Variants in CCR3 observed in about 807,000 individuals in gnomAD.
CCR3 encodes the protein C-C motif chemokine receptor 3, also known as C-C chemokine receptor type 3.
For synonymous variants in CCR3, 203 were observed against 179.2 expected (o/e 1.13, Z -1.06); for missense variants, 419 against 437.5 (o/e 0.96, Z 0.38).
At chr3:46,260,612 C>T (rs914049610) in intron 1 of CCR3, among the ~76,000 whole-genome samples, 4 of 152,166 alleles carry the variant, frequency 2.6e-5, no homozygotes, top group African/African-American at 9.7e-5. Flanking sequence ...CCAGGTTATG[C>T]AGATGTAAGA....
intron 1 of CCR3, among the ~76,000 whole-genome samples, chr3:46,246,380 G>A (rs371290368): frequency 7.9e-5 from 12 of 152,252 alleles, no homozygotes; most frequent in Middle Eastern, 3.4e-3. Context: ...GAGAGTCAGC[G>A]AAGGGAGATA....
intron 1 of CCR3, among the ~76,000 whole-genome samples, chr3:46,253,406 C>T (rs1439014377): frequency 1.3e-5 from 2 of 152,128 alleles, no homozygotes; most frequent in Admixed American, 6.6e-5. Flanking sequence ...ATACTCTCTC[C>T]CCTCCCCAAA....
chr3:46,232,326 G>T (rs1020995583), intron 2 of CCR3, among the ~76,000 whole-genome samples: 2 of 152,178 alleles, frequency 1.3e-5, no homozygotes, highest in African/African-American at 4.8e-5. Context: ...CACAGGGAAA[G>T]ATTTTGTTGG....
chr3:46,229,112 A>G lies in CCR3; in HGVS notation c.-67-13290A>G, dbSNP rs543893672. Among the ~76,000 whole-genome samples, 8 of 152,282 alleles carry G rather than the reference A, an allele frequency of 5.3e-5. No homozygotes were observed. In the South Asian group the frequency reaches 1.7e-3, roughly 32 times the overall value. ...GCATGTGCGTGTGGTCATATCACTGAGTTGCAGCCAATGGGATATAGATAG... is the reference window on the plus strand; with the variant it reads ...GCATGTGCGTGTGGTCATATCACTGGGTTGCAGCCAATGGGATATAGATAG... On this transcript the variant is annotated intron_variant, in intron 2 of 3. Transcript: ENST00000357422.
intron 2 of CCR3, among the ~76,000 whole-genome samples, chr3:46,234,606 C>T (rs1168447087): frequency 6.6e-6 from 1 of 150,730 alleles, no homozygotes; most frequent in African/African-American, 2.4e-5. Flanking sequence ...ACTCATTGCC[C>T]TAACTGGAGC....
chr3:46,248,090 AAAG>A (rs141198633), intron 1 of CCR3, among the ~76,000 whole-genome samples: 8,671 of 152,106 alleles, frequency 0.057, 367 homozygotes, highest in South Asian at 0.18. Context: ...GAGGAACAGG[AAAG>A]AAGGAGATAT....
intron 2 of CCR3, among the ~76,000 whole-genome samples, chr3:46,236,853 G>A (rs1700030045): frequency 6.6e-6 from 1 of 152,230 alleles, no homozygotes; most frequent in African/African-American, 2.4e-5. Flanking sequence ...GGAGGGAAAG[G>A]GGAGTGGGTG....
At chr3:46,222,033 G>A (rs891985127) in intron 2 of CCR3, among the ~76,000 whole-genome samples, 1 of 152,312 alleles carries the variant, frequency 6.6e-6, no homozygotes, top group South Asian at 2.1e-4. Flanking sequence ...TCCCCCTGAG[G>A]ACTGGGCAGG....
At chr3:46,238,515 A>T (rs1014869136), upstream of CCR3, among the ~76,000 whole-genome samples, 1 of 152,194 alleles carries the variant, frequency 6.6e-6, no homozygotes, top group Non-Finnish European at 1.5e-5. Flanking sequence ...TTACCTAGGT[A>T]TGTCCACCAC....
In CCR3 at chr3:46,265,526, T is replaced by C. The variant is rs1700606654; in HGVS notation, c.368T>C (p.Phe123Ser). ...ACAGGCTTGTACAGCGAGATCTTTT[T>C]CATAATCCTGCTGACAATCGACAGG... ...YHTGLYSEIF[F>S]IILLTIDRYL... Residue 123 changes from phenylalanine (F) to serine (S), a missense_variant, in exon 2 of 2, where the codon TTC becomes TCC. Physicochemically the swap from Phe to Ser is radical, Grantham distance 155. Coordinates refer to ENST00000395940, the MANE Select transcript of CCR3 (RefSeq NM_178329.3). 6.2e-7 allele frequency: 1 copy of C among 1,614,062 alleles called. No homozygotes were observed. The highest frequency in any genetic ancestry group is 1.3e-5 in the African/African-American group (1 of 74,932).
At chr3:46,246,163 A>T (rs933782247) in intron 1 of CCR3, among the ~76,000 whole-genome samples, 1 of 152,220 alleles carries the variant, frequency 6.6e-6, no homozygotes, top group Non-Finnish European at 1.5e-5. Flanking sequence ...AGTAAAAATT[A>T]TTCTACTCCA....
chr3:46,227,623 A>T (rs539219466), intron 2 of CCR3, among the ~76,000 whole-genome samples: 1 of 152,208 alleles, frequency 6.6e-6, no homozygotes, highest in South Asian at 2.1e-4. Flanking sequence ...TGGATTATTG[A>T]TGCGAGACTG....
intron 2 of CCR3, among the ~76,000 whole-genome samples, chr3:46,212,259 C>T (rs1013998410): frequency 6.6e-6 from 1 of 152,104 alleles, no homozygotes; most frequent in Non-Finnish European, 1.5e-5. Flanking sequence ...TTGGTGGTGC[C>T]GTGATCACAG....
At chr3:46,249,877 T>C (rs547648581) in intron 1 of CCR3, among the ~76,000 whole-genome samples, 50 of 152,194 alleles carry the variant, frequency 3.3e-4, no homozygotes, top group African/African-American at 1.1e-3. Context: ...TTGCAACTTT[T>C]TTTTTTTATC....
At chr3:46,264,760 A>G (rs938741091) in intron 1 of CCR3, 2 of 381,544 alleles carry the variant, frequency 5.2e-6, no homozygotes, top group Non-Finnish European at 4.7e-6. Flanking sequence ...TGTAAACTGT[A>G]AAACATAAAA....
intron 2 of CCR3, among the ~76,000 whole-genome samples, chr3:46,216,197 C>T (rs772325772): frequency 1.6e-4 from 25 of 152,208 alleles, no homozygotes; most frequent in Non-Finnish European, 3.4e-4. Context: ...CAGGCACATT[C>T]ACTGCAATGT....
upstream of CCR3, among the ~76,000 whole-genome samples, chr3:46,239,129 T>C (rs1436763344): frequency 6.6e-6 from 1 of 152,200 alleles, no homozygotes; most frequent in Non-Finnish European, 1.5e-5. Flanking sequence ...AGGGAAATCG[T>C]AGAGATTATT....
rs1343068332 is a variant in CCR3 at position 46,265,562 on chromosome 3, T to C, written c.404T>C (p.Ile135Thr). The change falls in exon 2 of 2, where the codon ATT becomes ACT. Residue 135 changes from isoleucine (I) to threonine (T), a missense_variant. Ile to Thr is a moderately conservative substitution (Grantham distance 89, BLOSUM62 -1). Transcript: ENST00000395940. Reference protein sequence around the residue: ...ILLTIDRYLAIVHAVFALRAR... With the variant: ...ILLTIDRYLATVHAVFALRAR... ...CTGACAATCGACAGGTACCTGGCCA[T>C]TGTCCATGCTGTGTTTGCCCTTCGA... 14 of 1,614,164 alleles carry C rather than the reference T, an allele frequency of 8.7e-6. No homozygotes were observed. The highest frequency in any genetic ancestry group is 1.3e-5 in the African/African-American group (1 of 75,050).
At chr3:46,220,654 A>G (rs1699826037) in intron 2 of CCR3, among the ~76,000 whole-genome samples, 1 of 152,228 alleles carries the variant, frequency 6.6e-6, no homozygotes, top group Non-Finnish European at 1.5e-5. Context: ...TACATATACC[A>G]TGGAATTCTA....
Sources: allele counts gnomAD v4.1 joint callset (sites outside exome capture counted in the v4.1 genomes callset), GRCh38; gene constraint gnomAD v4.1.1; transcripts MANE v1.5; gene names NCBI Gene and HGNC (gene_info 2026-07-23, HGNC 2026-07-21).